RFX3: variants seen among roughly 807,000 people sequenced by gnomAD.
RFX3 encodes the protein transcription factor RFX3.
RFX3 carries 14 observed loss-of-function variants against 98.6 expected under a neutral mutation model. The ratio of observed to expected loss-of-function variants is 0.14; its 90% CI spans 0.09 to 0.22. The LOEUF (loss-of-function observed/expected upper bound fraction) is 0.22. Among genes scored for constraint, RFX3 ranks in the 10% least tolerant of loss-of-function variants. RFX3 has a pLI of 1.00. For synonymous variants in RFX3, 383 were observed against 328.4 expected, an observed-to-expected ratio of 1.17 and a Z score of -1.80; for missense variants, 639 against 926.9, an observed-to-expected ratio of 0.69 and a Z score of 4.03.
intron 1 of RFX3, among the ~76,000 whole-genome samples, chr9:3,473,836 A>C (rs1288982275): frequency 6.6e-6 from 1 of 152,244 alleles, no homozygotes; most frequent in Non-Finnish European, 1.5e-5. Context: ...AGTCAAACGC[A>C]TTGAAAAGAC....
At chr9:3,312,906 C>T (rs539601346) in intron 4 of RFX3, among the ~76,000 whole-genome samples, 2 of 152,212 alleles carry the variant, frequency 1.3e-5, no homozygotes, top group African/African-American at 2.4e-5. Flanking sequence ...ATCAAGGAGG[C>T]CTGCCTGCCT....
At chr9:3,278,938 G>T (rs1196153506) in intron 7 of RFX3, among the ~76,000 whole-genome samples, 1 of 151,806 alleles carries the variant, frequency 6.6e-6, no homozygotes, top group African/African-American at 2.4e-5. Flanking sequence ...TGAGAGAAAA[G>T]AACTCAGATC....
intron 1 of RFX3, among the ~76,000 whole-genome samples, chr9:3,494,216 A>C (rs985805291): frequency 8.5e-5 from 13 of 152,260 alleles, no homozygotes; most frequent in African/African-American, 3.1e-4. Flanking sequence ...TGCCTCAATC[A>C]TATATTTGCA....
chr9:3,319,241 C>T (rs1413220212), intron 4 of RFX3, among the ~76,000 whole-genome samples: 1 of 152,182 alleles, frequency 6.6e-6, no homozygotes, highest in Admixed American at 6.5e-5. Context: ...GCAAGGGGCC[C>T]TTGCCCACAC....
At chr9:3,502,391 T>A (rs1413593959) in intron 1 of RFX3, among the ~76,000 whole-genome samples, 1 of 152,218 alleles carries the variant, frequency 6.6e-6, no homozygotes, top group Non-Finnish European at 1.5e-5. Context: ...TACCTTGAAG[T>A]ACATTCTATA....
chr9:3,349,266 TATC>T (rs959242857), intron 2 of RFX3, among the ~76,000 whole-genome samples: 11 of 152,188 alleles, frequency 7.2e-5, no homozygotes, highest in Admixed American at 7.2e-4. Flanking sequence ...AAAATAAAAA[TATC>T]ATATTACTAA....
At chr9:3,508,839 T>C (rs1421881122) in intron 1 of RFX3, among the ~76,000 whole-genome samples, 1 of 151,958 alleles carries the variant, frequency 6.6e-6, no homozygotes, top group Non-Finnish European at 1.5e-5. Context: ...TTGGTTTCTC[T>C]TAAATTGACT....
chr9:3,522,043 T>TAA (rs112892773), intron 1 of RFX3, among the ~76,000 whole-genome samples: 4 of 144,924 alleles, frequency 2.8e-5, no homozygotes, highest in Non-Finnish European at 4.6e-5. Flanking sequence ...ACTTTTACTT[T>TAA]AAAAAAAAAA....
intron 1 of RFX3, among the ~76,000 whole-genome samples, chr9:3,444,831 T>C (rs1845898786): frequency 6.6e-6 from 1 of 152,206 alleles, no homozygotes; most frequent in African/African-American, 2.4e-5. Context: ...ATTGAAGCTG[T>C]CTGAACATGG....
intron 1 of RFX3, among the ~76,000 whole-genome samples, chr9:3,517,078 T>C (rs1357865551): frequency 6.6e-6 from 1 of 152,210 alleles, no homozygotes; most frequent in African/African-American, 2.4e-5. Flanking sequence ...GCAAACAACT[T>C]GCTAGCCTTT....
chr9:3,523,348 T>C (rs539680715), intron 1 of RFX3, among the ~76,000 whole-genome samples: 6 of 152,330 alleles, frequency 3.9e-5, no homozygotes, highest in Admixed American at 2.0e-4. Flanking sequence ...ATGCTAAGTA[T>C]CTATCCTTGT....
intron 2 of RFX3, among the ~76,000 whole-genome samples, chr9:3,354,692 G>C (rs1835542354): frequency 6.6e-6 from 1 of 151,662 alleles, no homozygotes; most frequent in South Asian, 2.1e-4. Flanking sequence ...AGCCAATGAA[G>C]ATAATGACAA....
At chr9:3,391,610 A>G (rs534491004) in intron 2 of RFX3, among the ~76,000 whole-genome samples, 6 of 152,200 alleles carry the variant, frequency 3.9e-5, no homozygotes, top group Non-Finnish European at 7.3e-5. Context: ...TGTTTTTTCC[A>G]AAGTGTGGTC....
At chr9:3,380,205 G>A (rs1230437699) in intron 2 of RFX3, among the ~76,000 whole-genome samples, 1 of 152,048 alleles carries the variant, frequency 6.6e-6, no homozygotes, top group East Asian at 1.9e-4. Flanking sequence ...GGGATTACAG[G>A]CATGAGCCAC....
chr9:3,330,143 A>G, intron 4 of RFX3, 116 bp downstream of exon 4: 1 of 1,048,840 alleles, frequency 9.5e-7, no homozygotes, highest in South Asian at 1.6e-5. Flanking sequence ...TACTAAAACT[A>G]TCCAACACAT....
intron 1 of RFX3, among the ~76,000 whole-genome samples, chr9:3,456,443 C>T (rs1015076201): frequency 4.6e-5 from 7 of 152,090 alleles, no homozygotes; most frequent in African/African-American, 1.7e-4. Flanking sequence ...ATCCTAATTC[C>T]CTCATCCAAA....
At chr9:3,424,115 C>A (rs1304839548) in intron 1 of RFX3, among the ~76,000 whole-genome samples, 3 of 150,318 alleles carry the variant, frequency 2.0e-5, no homozygotes, top group Non-Finnish European at 3.0e-5. Context: ...CCACTACACT[C>A]CAGCCTGGGC....
intron 15 of RFX3, among the ~76,000 whole-genome samples, chr9:3,245,651 T>G (rs1362305647): frequency 6.6e-6 from 1 of 152,218 alleles, no homozygotes; most frequent in Non-Finnish European, 1.5e-5. Context: ...TGGCGCCATT[T>G]ACTGAGAAAG....
At chr9:3,307,096 A>G (rs1269314008) in intron 4 of RFX3, among the ~76,000 whole-genome samples, 1 of 152,118 alleles carries the variant, frequency 6.6e-6, no homozygotes, top group Non-Finnish European at 1.5e-5. Context: ...CACCATCCAC[A>G]TAAGATGTGA....
Sources: gnomAD v4.1 joint callset for allele counts (sites outside exome capture counted in the v4.1 genomes callset) on GRCh38, gnomAD v4.1.1 for gene constraint, MANE v1.5 for transcripts, NCBI Gene and HGNC (gene_info 2026-07-23, HGNC 2026-07-21) for gene names.